ABL1: variants seen among roughly 807,000 people sequenced by gnomAD.
The protein encoded by ABL1 is tyrosine-protein kinase ABL1.
A neutral mutation model predicts 94.7 loss-of-function variants in ABL1; 11 were observed. That is an observed-to-expected ratio of 0.12 (90% CI 0.07 to 0.19). The LOEUF (loss-of-function observed/expected upper bound fraction) is 0.19. ABL1 is among the 10% of genes least tolerant of loss of function. ABL1 has a pLI of 1.00. For missense variants in ABL1, 1,082 were observed against 1,489.4 expected (o/e 0.73, Z 4.50); for synonymous variants, 656 against 622.4 (o/e 1.05, Z -0.80).
chr9:130,762,304 G>C (rs201125413), intron 1 of ABL1, among the ~76,000 whole-genome samples: 1 of 152,050 alleles, frequency 6.6e-6, no homozygotes, highest in Non-Finnish European at 1.5e-5. Context: ...GGCTGTTTTT[G>C]TTCATTTGCC....
chr9:130,783,694 C>T (rs1395910218), intron 1 of ABL1, among the ~76,000 whole-genome samples: 3 of 151,986 alleles, frequency 2.0e-5, no homozygotes, highest in Admixed American at 6.6e-5. Context: ...CTCGCTCTGT[C>T]GCCCAGGCTG....
Position 130,872,062 on chromosome 9 carries a change from G to T in ABL1, c.823-67G>T, listed in dbSNP as rs1418844388. 4 of 1,448,492 alleles carry T rather than the reference G, an allele frequency of 2.8e-6. No individual in the cohort carries two copies. Among genetic ancestry groups the T allele is most frequent in the Non-Finnish European group, 3.9e-6 (4 of 1,036,778 alleles). 89.7% of individuals were successfully genotyped at this position (1,448,492 alleles called of 1,614,324 possible). A position where few individuals can be genotyped will look rare whatever the true frequency, so the allele number is the denominator to read the frequency against. On this transcript the variant is annotated intron_variant, in intron 4 of 10. Coordinates refer to ENST00000318560, the MANE Select transcript of ABL1 (RefSeq NM_005157.6). The surrounding 1 kb of genome is among the most constrained non-coding windows in gnomAD (Gnocchi z 5.0). ...CTGAAGCTCCATTTTGCATTAACTAGTCAAGTACTTACCCACTGAAAAGCA... is the reference window on the plus strand; with the variant it reads ...CTGAAGCTCCATTTTGCATTAACTATTCAAGTACTTACCCACTGAAAAGCA...
rs190102513 is a variant in ABL1, at chr9:130,774,955, C to T, written c.136+60500C>T. 2.0e-5 allele frequency among the ~76,000 whole-genome samples: 3 copies of T among 152,270 alleles called. No homozygotes were observed. The East Asian group carries it at 5.8e-4, about 29-fold the overall frequency. ...AAAGAAACTTGTCTGATTTGGTCTG[C>T]ACTTTGAGTGAGAGGAAACAAAAAC... On this transcript the variant is annotated intron_variant, in intron 1 of 10. Transcript: ENST00000372348.
exon 1 of ABL1, chr9:130,714,245 A>C (rs1831407205): frequency 6.9e-7 from 1 of 1,440,528 alleles, no homozygotes; most frequent in African/African-American, 1.4e-5. Flanking sequence ...CGTATATGCC[A>C]TTTCCCTCTA....
intron 1 of ABL1, among the ~76,000 whole-genome samples, chr9:130,743,857 G>GC (rs982832758): frequency 5.3e-5 from 8 of 152,150 alleles, no homozygotes; most frequent in African/African-American, 1.9e-4. Flanking sequence ...AGCCACATAG[G>GC]CCCTATGTAG....
intron 1 of ABL1, among the ~76,000 whole-genome samples, chr9:130,802,054 A>G (rs1830062138): frequency 6.8e-6 from 1 of 146,406 alleles, no homozygotes; most frequent in South Asian, 2.1e-4. Context: ...ACGTGACATT[A>G]TGTAGCAAGT....
At chr9:130,881,886 AAC>A (rs72361289) in intron 10 of ABL1, among the ~76,000 whole-genome samples, 13,601 of 150,604 alleles carry the variant, frequency 0.09, 791 homozygotes, top group African/African-American at 0.17. Context: ...GTAAAAAAAA[AAC>A]AAAAAAAAAC....
chr9:130,728,653 G>C (rs1831622412), intron 1 of ABL1, among the ~76,000 whole-genome samples: 1 of 150,834 alleles, frequency 6.6e-6, no homozygotes, highest in African/African-American at 2.4e-5. Context: ...GCCTCCCAAA[G>C]TGCTGGGATT....
intron 1 of ABL1, among the ~76,000 whole-genome samples, chr9:130,737,261 T>A (rs182946425): frequency 2.7e-4 from 41 of 152,148 alleles, no homozygotes; most frequent in African/African-American, 6.7e-4. Flanking sequence ...TAAAAAAAAA[T>A]TTATTTTATT....
chr9:130,870,854 G>A (rs986658849), intron 4 of ABL1, among the ~76,000 whole-genome samples: 2 of 152,192 alleles, frequency 1.3e-5, no homozygotes, highest in African/African-American at 4.8e-5. Context: ...CATTGGTCAC[G>A]CTTCACTTGT....
chr9:130,833,814 C>T (rs1830522773), upstream of ABL1, among the ~76,000 whole-genome samples: 1 of 152,184 alleles, frequency 6.6e-6, no homozygotes, highest in Admixed American at 6.5e-5. Context: ...GATCTTGTTA[C>T]TTAGCCATTC....
At position 130,724,961 on chromosome 9, in the gene ABL1, C is replaced by T. The variant is rs60800082; in HGVS notation, c.136+10506C>T. ...AGCCACATTTGCCACAGGTAGACTT[C>T]GGAAGGTGACAGGCCTTAGAGCCAC... On this transcript the variant is annotated intron_variant, in intron 1 of 10. Coordinates refer to the ABL1 transcript ENST00000372348. The T allele has an allele frequency of 3.5e-3, 1,137 of 329,430 alleles. 13 individuals carry two copies. The highest frequency in any genetic ancestry group is 0.022 in the African/African-American group (1,046 of 46,702). The allele number at this position is 329,430 out of a possible 1,614,324, so 20.4% of individuals were successfully genotyped here.
chr9:130,847,273 A>G (rs190359736), intron 1 of ABL1, among the ~76,000 whole-genome samples: 8 of 152,350 alleles, frequency 5.3e-5, no homozygotes, highest in African/African-American at 1.9e-4. Context: ...ATGTTCACTA[A>G]AAAAATTTAA....
intron 1 of ABL1, among the ~76,000 whole-genome samples, chr9:130,809,128 C>G (rs1469149081): frequency 6.6e-6 from 1 of 152,140 alleles, no homozygotes; most frequent in East Asian, 1.9e-4. Flanking sequence ...GCAAGAGATG[C>G]ACAGAGAAGA....
rs578220576 is a variant in ABL1 at position 130,741,721 on chromosome 9, G to T, written c.136+27266G>T. 5.3e-5 allele frequency among the ~76,000 whole-genome samples: 8 copies of T among 152,324 alleles called. No homozygotes were observed. The East Asian group carries it at 1.2e-3, about 22-fold the overall frequency. On this transcript the variant is annotated intron_variant, in intron 1 of 10. Coordinates refer to the ABL1 transcript ENST00000372348. ...ATGCCGGAGTAACAGTTACCGCACT[G>T]GTATACCAGTTACCATGCCAGAGTG...
rs1831570892 is a variant in ABL1, at chr9:130,885,779, A to G, written c.*96A>G. The stretch of plus-strand genomic sequence containing the variant: ...GACAGTGGCTGACAAGGGACTAGTG[A>G]GTCAGCACCTTGGCCCAGGAGCTCT... On this transcript the variant is annotated 3_prime_UTR_variant, in exon 11 of 11. Transcript: ENST00000318560. 1 of 1,447,504 alleles carries G rather than the reference A, an allele frequency of 6.9e-7. No homozygotes were observed. The highest frequency in any genetic ancestry group is 1.4e-5 in the African/African-American group (1 of 70,040). The allele number at this position is 1,447,504 out of a possible 1,614,324, so 89.7% of individuals were successfully genotyped here.
At chr9:130,783,575 T>C (rs1300420209) in intron 1 of ABL1, among the ~76,000 whole-genome samples, 1 of 152,218 alleles carries the variant, frequency 6.6e-6, no homozygotes, top group Non-Finnish European at 1.5e-5. Context: ...AAATTGAGAA[T>C]GACAAGGCTG....
intron 1 of ABL1, among the ~76,000 whole-genome samples, chr9:130,821,069 A>G (rs746496710): frequency 6.6e-6 from 1 of 152,032 alleles, no homozygotes; most frequent in Non-Finnish European, 1.5e-5. Flanking sequence ...ATCTGGGACT[A>G]CAGGCACGTG....
At chr9:130,794,609 A>G (rs1176847618) in intron 1 of ABL1, among the ~76,000 whole-genome samples, 2 of 152,160 alleles carry the variant, frequency 1.3e-5, no homozygotes, top group Non-Finnish European at 2.9e-5. Context: ...TCTCAACTGC[A>G]TTGTTTTGAT....
Sources: allele counts gnomAD v4.1 joint callset (sites outside exome capture counted in the v4.1 genomes callset), GRCh38; gene constraint gnomAD v4.1.1; non-coding constraint Gnocchi (gnomAD v3.1); transcripts MANE v1.5; gene names NCBI Gene and HGNC (gene_info 2026-07-23, HGNC 2026-07-21).